Variants in TFCP2 observed in about 807,000 individuals in gnomAD.
TFCP2 encodes transcription factor CP2.
TFCP2 carries 33 observed loss-of-function variants against 73.4 expected under a neutral mutation model. The observed-to-expected ratio is 0.45, with a 90% CI of 0.34 to 0.60. The LOEUF (loss-of-function observed/expected upper bound fraction) is 0.60, where lower values mean the gene tolerates loss of function less well. Ranked by LOEUF, TFCP2 falls within the 20% of genes least tolerant of loss-of-function variation. The probability of loss-of-function intolerance (pLI) is 0.01; values close to 1 mark genes in which losing one functional copy is unlikely to be tolerated. For synonymous variants in TFCP2, 193 were observed against 211.6 expected, an observed-to-expected ratio of 0.91 and a Z score of 0.76; for missense variants, 352 against 604.0, an observed-to-expected ratio of 0.58 and a Z score of 4.37.
chr12:51,111,630 C>G (rs1022295900), intron 4 of TFCP2, among the ~76,000 whole-genome samples: 2 of 151,848 alleles, frequency 1.3e-5, no homozygotes, highest in African/African-American at 4.8e-5. Flanking sequence ...CCAAGGCAGG[C>G]GGATCATGAT....
chr12:51,118,018 G>T (rs191259433), intron 2 of TFCP2, among the ~76,000 whole-genome samples: 1 of 152,252 alleles, frequency 6.6e-6, no homozygotes, highest in East Asian at 1.9e-4. Flanking sequence ...CTTGTCCAAG[G>T]CCACACAATT....
chr12:51,143,989 T>C (rs1438044432), intron 1 of TFCP2, among the ~76,000 whole-genome samples: 1 of 152,194 alleles, frequency 6.6e-6, no homozygotes, highest in Non-Finnish European at 1.5e-5. Flanking sequence ...ATAGGTTCAA[T>C]TCCAATAAAT....
Position 51,094,699 on chromosome 12 carries a change from T to C in TFCP2, c.*542A>G, listed in dbSNP as rs994114353. Reference sequence around the variant, plus strand: ...AATAAATGTTAGCTGAAAATACTATTAGTTGTGGTATTACAGGGGAACCAA... The same window carrying C: ...AATAAATGTTAGCTGAAAATACTATCAGTTGTGGTATTACAGGGGAACCAA... On this transcript the variant is annotated 3_prime_UTR_variant, in exon 15 of 15. Transcript: ENST00000257915. 1 of 152,942 alleles carries C rather than the reference T, an allele frequency of 6.5e-6. No individual in the cohort carries two copies. Among genetic ancestry groups the C allele is most frequent in the African/African-American group, 2.4e-5 (1 of 41,446 alleles). The allele number at this position is 152,942 out of a possible 1,614,324, so 9.5% of individuals were successfully genotyped here.
Position 51,120,214 on chromosome 12 carries a change from C to CA in TFCP2, c.123-1443dup, listed in dbSNP as rs1483325074. ...AAAAAAAAAAAAAGAACAACAACAA[C>CA]AACAAAAAAATAAAAACTGGAAAGA... On this transcript the variant is annotated intron_variant, in intron 1 of 14. Transcript: ENST00000257915. Among the ~76,000 whole-genome samples, 192 of 116,876 alleles carry CA rather than the reference C, an allele frequency of 1.6e-3. 1 individual carries two copies. Among genetic ancestry groups the CA allele is most frequent in the African/African-American group, 4.8e-3 (154 of 32,040 alleles). 76.7% of individuals were successfully genotyped at this position (116,876 alleles called of 152,430 possible).
intron 1 of TFCP2, among the ~76,000 whole-genome samples, chr12:51,140,629 G>A (rs1267050583): frequency 1.3e-5 from 2 of 151,010 alleles, no homozygotes; most frequent in Non-Finnish European, 3.0e-5. Flanking sequence ...GTCTTACACT[G>A]TCACCCAGGC....
chr12:51,163,301 G>C (rs976246021), intron 1 of TFCP2, among the ~76,000 whole-genome samples: 2 of 151,858 alleles, frequency 1.3e-5, no homozygotes, highest in African/African-American at 2.4e-5. Flanking sequence ...AAAAATAATA[G>C]TAATAAGGCC....
At chr12:51,108,358 G>A (rs1180801546) in intron 6 of TFCP2, among the ~76,000 whole-genome samples, 1 of 152,132 alleles carries the variant, frequency 6.6e-6, no homozygotes, top group African/African-American at 2.4e-5. Context: ...TTTCCTCTGG[G>A]AAGAGGTTGT....
At chr12:51,131,447 GT>G (rs568769029) in intron 1 of TFCP2, among the ~76,000 whole-genome samples, 19 of 151,800 alleles carry the variant, frequency 1.3e-4, no homozygotes, top group African/African-American at 4.1e-4. Flanking sequence ...CATCGGTATA[GT>G]TTTTTTCTAT....
intron 1 of TFCP2, among the ~76,000 whole-genome samples, chr12:51,142,271 C>T (rs1403710953): frequency 7.1e-6 from 1 of 140,206 alleles, no homozygotes; most frequent in Non-Finnish European, 1.5e-5. Flanking sequence ...TTGGGATATA[C>T]TGTGGATGAA....
At chr12:51,134,431 T>C (rs1017232455) in intron 1 of TFCP2, among the ~76,000 whole-genome samples, 2 of 152,028 alleles carry the variant, frequency 1.3e-5, no homozygotes, top group Admixed American at 6.6e-5. Context: ...ACTACAGGCA[T>C]GCACCACCAT....
rs144845075 is a variant in TFCP2, at chr12:51,103,648, C to T, written c.1060+22G>A. 1.1e-3 allele frequency: 1,802 copies of T among 1,603,490 alleles called. 50 individuals carry two copies. In the Admixed American group the frequency reaches 0.03, roughly 27 times the overall value. On this transcript the variant is annotated intron_variant, in intron 10 of 14. Transcript: ENST00000257915. ...AAGGAAAATTTCATGCTAGGGAAAACAAAAGAAAAAGAAAATTTAACCTGA... is the reference window on the plus strand; with the variant it reads ...AAGGAAAATTTCATGCTAGGGAAAATAAAAGAAAAAGAAAATTTAACCTGA...
At chr12:51,108,679 C>T (rs1940319367) in intron 6 of TFCP2, among the ~76,000 whole-genome samples, 4 of 151,982 alleles carry the variant, frequency 2.6e-5, no homozygotes, top group Admixed American at 2.0e-4. Context: ...GAAGCTGAGG[C>T]AGGAAGATCA....
In TFCP2 at chr12:51,156,711, G is replaced by T. The variant is rs555070989; in HGVS notation, c.122+15590C>A. 2.6e-4 allele frequency among the ~76,000 whole-genome samples: 39 copies of T among 152,256 alleles called. No individual in the cohort carries two copies. In the Middle Eastern group the frequency reaches 0.01, roughly 40 times the overall value. On this transcript the variant is annotated intron_variant, in intron 1 of 14. Transcript: ENST00000257915. ...GAGATTTCTTTGTTGGGACATTTTC[G>T]ATTACAAATGCAATCTCCCTATGAG...
At position 51,136,008 on chromosome 12, in the gene TFCP2, G is replaced by A. The variant is rs538027052; in HGVS notation, c.123-17236C>T. On this transcript the variant is annotated intron_variant, in intron 1 of 14. Coordinates refer to ENST00000257915, the MANE Select transcript of TFCP2 (RefSeq NM_005653.5). ...GTAGCAGGAATATAGCAATAAACAAGTTAAAGAAGGTTCCCTGGCCGGGCG... is the reference window on the plus strand; with the variant it reads ...GTAGCAGGAATATAGCAATAAACAAATTAAAGAAGGTTCCCTGGCCGGGCG... Among the ~76,000 whole-genome samples the A allele has an allele frequency of 5.9e-5, 9 of 152,114 alleles. No individual in the cohort carries two copies. The South Asian group carries it at 1.9e-3, about 32-fold the overall frequency.
intron 1 of TFCP2, among the ~76,000 whole-genome samples, chr12:51,151,306 A>T (rs1443105753): frequency 6.6e-6 from 1 of 152,196 alleles, no homozygotes; most frequent in African/African-American, 2.4e-5. Flanking sequence ...TTTAGGAGAA[A>T]AGTAGCATGA....
At chr12:51,130,197 C>A (rs562060447) in intron 1 of TFCP2, among the ~76,000 whole-genome samples, 4 of 152,122 alleles carry the variant, frequency 2.6e-5, no homozygotes, top group South Asian at 2.1e-4. Context: ...GTTGGCCGGG[C>A]GCAGTGGCTC....
intron 2 of TFCP2, 140 bp from the exon 3 acceptor site, chr12:51,117,887 A>C (rs1035700387): frequency 3.3e-6 from 2 of 598,542 alleles, no homozygotes; most frequent in Non-Finnish European, 5.8e-6. Flanking sequence ...AAGCCTTTAC[A>C]AGATGCTCAG....
chr12:51,128,212 C>T (rs1940855253), intron 1 of TFCP2, among the ~76,000 whole-genome samples: 1 of 152,050 alleles, frequency 6.6e-6, no homozygotes. Flanking sequence ...AGCCACCATG[C>T]CCAGCCTGCA....
intron 13 of TFCP2, 51 bp downstream of exon 13, chr12:51,098,725 C>T (rs367674469): frequency 2.1e-5 from 34 of 1,601,358 alleles, no homozygotes; most frequent in Middle Eastern, 1.7e-4. Flanking sequence ...TTGCTCCATG[C>T]GCTGACAAAT....
Sources: gnomAD v4.1 joint callset for allele counts (sites outside exome capture counted in the v4.1 genomes callset) on GRCh38, gnomAD v4.1.1 for gene constraint, MANE v1.5 for transcripts, NCBI Gene and HGNC (gene_info 2026-07-23, HGNC 2026-07-21) for gene names.